The following PEX7 variants were observed in gnomAD, a reference collection of about 807,000 sequenced individuals.
The protein encoded by PEX7 is PTS2 receptor.
In PEX7, 34 loss-of-function variants were observed where a neutral mutation model predicts 47.5. The observed-to-expected ratio is 0.72, with a 90% CI of 0.54 to 0.95. The LOEUF (loss-of-function observed/expected upper bound fraction) is 0.95, where lower values mean the gene tolerates loss of function less well. Ranked by LOEUF, PEX7 falls within the 40% of genes least tolerant of loss-of-function variation. The pLI, the probability that PEX7 is intolerant of heterozygous loss-of-function variation, is 0.00. For missense variants in PEX7, 394 were observed against 400.3 expected (o/e 0.98, Z 0.13); for synonymous variants, 141 against 148.8 (o/e 0.95, Z 0.38).
intron 5 of PEX7, among the ~76,000 whole-genome samples, chr6:136,862,074 T>TATATATATTATATATATA: frequency 6.9e-6 from 1 of 144,158 alleles, no homozygotes; most frequent in Non-Finnish European, 1.5e-5. Context: ...ATATATAGTT[T>TATATATATTATATATATA]TTTTTTTGGG....
At chr6:136,896,376 A>AG (rs1312533124) in intron 8 of PEX7, among the ~76,000 whole-genome samples, 2 of 152,198 alleles carry the variant, frequency 1.3e-5, no homozygotes, top group African/African-American at 4.8e-5. Context: ...ACTGCCCTTT[A>AG]GGGTGATGCC....
intron 8 of PEX7, among the ~76,000 whole-genome samples, chr6:136,894,665 G>T (rs1775618202): frequency 6.6e-6 from 1 of 152,164 alleles, no homozygotes; most frequent in African/African-American, 2.4e-5. Flanking sequence ...CATTGTTAAA[G>T]AATTGTGGAA....
At chr6:136,837,568 T>C (rs750591259) in intron 3 of PEX7, among the ~76,000 whole-genome samples, 104 of 152,130 alleles carry the variant, frequency 6.8e-4, no homozygotes, top group Non-Finnish European at 1.3e-3. Context: ...TGAATATTCT[T>C]AGTGCCCTGA....
intron 8 of PEX7, among the ~76,000 whole-genome samples, chr6:136,893,577 A>G (rs955542981): frequency 5.9e-5 from 9 of 152,240 alleles, no homozygotes; most frequent in African/African-American, 9.6e-5. Context: ...TGTCTTGCAT[A>G]TGGTGCTTAG....
chr6:136,829,700 G>A (rs1175012912), intron 3 of PEX7, among the ~76,000 whole-genome samples: 2 of 152,184 alleles, frequency 1.3e-5, no homozygotes, highest in East Asian at 1.9e-4. Context: ...ACTTTGGAAG[G>A]TCGAGGTGGG....
chr6:136,846,520 T>C (rs922365490), intron 5 of PEX7, among the ~76,000 whole-genome samples: 2 of 145,134 alleles, frequency 1.4e-5, no homozygotes, highest in Non-Finnish European at 3.0e-5. Context: ...CAGGCCCCGG[T>C]GTGTGATGTT....
chr6:136,907,400 A>T (rs957917616), intron 9 of PEX7, among the ~76,000 whole-genome samples: 1 of 152,180 alleles, frequency 6.6e-6, no homozygotes, highest in African/African-American at 2.4e-5. Context: ...TTGAGTAAGT[A>T]AAGCATGTTT....
At chr6:136,876,625 T>C (rs1355098241) in intron 8 of PEX7, among the ~76,000 whole-genome samples, 1 of 152,216 alleles carries the variant, frequency 6.6e-6, no homozygotes, top group Non-Finnish European at 1.5e-5. Context: ...TTGCTGAGAA[T>C]GATGTTTCCA....
At chr6:136,833,239 G>A (rs989228826) in intron 3 of PEX7, among the ~76,000 whole-genome samples, 1 of 152,132 alleles carries the variant, frequency 6.6e-6, no homozygotes, top group Non-Finnish European at 1.5e-5. Context: ...GAGAGAGAGA[G>A]CAAGGGAAAC....
At chr6:136,855,513 T>C (rs1774845289) in intron 5 of PEX7, among the ~76,000 whole-genome samples, 2 of 152,134 alleles carry the variant, frequency 1.3e-5, no homozygotes, top group African/African-American at 4.8e-5. Flanking sequence ...CTAATTTTTG[T>C]ATTTTTAGTA....
intron 1 of PEX7, chr6:136,823,014 G>A: frequency 1.0e-6 from 1 of 985,486 alleles, no homozygotes; most frequent in Non-Finnish European, 1.2e-6. Flanking sequence ...TTGTGTGCAA[G>A]TGCATATACG....
At chr6:136,836,290 A>G (rs1381881780) in intron 3 of PEX7, among the ~76,000 whole-genome samples, 2 of 151,928 alleles carry the variant, frequency 1.3e-5, no homozygotes, top group Non-Finnish European at 2.9e-5. Flanking sequence ...ATAAATATAT[A>G]TAGTGTATAT....
At chr6:136,898,263 T>A (rs999141115) in intron 9 of PEX7, 22 bp downstream of exon 9, 1 of 1,366,970 alleles carries the variant, frequency 7.3e-7, no homozygotes, top group Non-Finnish European at 1.0e-6. Context: ...AATCTCATGA[T>A]ATTCTCTTCT....
intron 8 of PEX7, among the ~76,000 whole-genome samples, chr6:136,888,755 C>A (rs1319399948): frequency 6.6e-6 from 1 of 151,998 alleles, no homozygotes; most frequent in Non-Finnish European, 1.5e-5. Context: ...AATTGTGATA[C>A]CCTTTGGTCA....
chr6:136,892,297 T>C (rs897741460), intron 8 of PEX7, among the ~76,000 whole-genome samples: 1 of 152,208 alleles, frequency 6.6e-6, no homozygotes, highest in African/African-American at 2.4e-5. Context: ...CCTGACTTGG[T>C]CCATGCCTAT....
intron 3 of PEX7, among the ~76,000 whole-genome samples, chr6:136,835,773 A>G (rs1774374832): frequency 1.3e-5 from 2 of 152,224 alleles, no homozygotes; most frequent in Admixed American, 1.3e-4. Context: ...GGAGATTGCA[A>G]TATTCAAAAT....
In PEX7 at chr6:136,898,224, C is replaced by T. The variant is rs760967879; in HGVS notation, c.886C>T (p.Leu296Phe). 6 of 1,595,696 alleles carry T rather than the reference C, an allele frequency of 3.8e-6. No homozygotes were observed. The African/African-American group carries it at 8.0e-5, about 21-fold the overall frequency. The change falls in exon 9 of 10, where the codon CTT becomes TTT. Residue 296 changes from leucine to phenylalanine, a missense_variant. Leu to Phe is a conservative substitution (Grantham distance 22). Coordinates refer to ENST00000318471, the MANE Select transcript of PEX7 (RefSeq NM_000288.4). ...GTTTACTTGTGGTTTAGACTTCAGT[C>T]TTCAGAGCCCCACTCAGGTAACGGA... ...TEFTCGLDFSLQSPTQVADCS... is the reference protein window; with the variant it reads ...TEFTCGLDFSFQSPTQVADCS...
chr6:136,869,844 T>C (rs772876053), intron 6 of PEX7, 46 bp from the exon 7 acceptor site: 3 of 1,385,652 alleles, frequency 2.2e-6, no homozygotes, highest in East Asian at 2.3e-5. Flanking sequence ...GCATACTGTT[T>C]AATTGCAAAG....
At chr6:136,860,288 G>A (rs1299815510) in intron 5 of PEX7, among the ~76,000 whole-genome samples, 1 of 152,040 alleles carries the variant, frequency 6.6e-6, no homozygotes, top group Non-Finnish European at 1.5e-5. Flanking sequence ...AGGATGAAGT[G>A]CCAAATGGTT....
Sources: allele counts gnomAD v4.1 joint callset (sites outside exome capture counted in the v4.1 genomes callset), GRCh38; gene constraint gnomAD v4.1.1; transcripts MANE v1.5; gene names NCBI Gene and HGNC (gene_info 2026-07-23, HGNC 2026-07-21).